The following PCCA variants were observed in gnomAD, a reference collection of about 807,000 sequenced individuals.
PCCA encodes the protein propionyl-CoA carboxylase alpha chain, mitochondrial.
PCCA carries 74 observed loss-of-function variants against 101.3 expected under a neutral mutation model. The ratio of observed to expected loss-of-function variants is 0.73; its 90% confidence interval spans 0.61 to 0.89. The LOEUF (loss-of-function observed/expected upper bound fraction) is 0.89, where lower values mean the gene tolerates loss of function less well. Among genes scored for constraint, PCCA ranks in the 40% least tolerant of loss-of-function variants. PCCA has a pLI of 0.00. For missense variants in PCCA, 891 were observed against 907.0 expected, an observed-to-expected ratio of 0.98 and a Z score of 0.23; for synonymous variants, 294 against 313.6, an observed-to-expected ratio of 0.94 and a Z score of 0.66.
intron 8 of PCCA, among the ~76,000 whole-genome samples, chr13:100,244,566 C>T (rs1285663987): frequency 6.6e-6 from 1 of 152,042 alleles, no homozygotes; most frequent in East Asian, 1.9e-4. Context: ...CTGTGCATAA[C>T]ATTCAGGCAG....
At chr13:100,370,688 T>G (rs2075521998) in intron 19 of PCCA, among the ~76,000 whole-genome samples, 2 of 152,182 alleles carry the variant, frequency 1.3e-5, no homozygotes, top group African/African-American at 4.8e-5. Context: ...ATATTTAAAT[T>G]TAGCTACTTT....
At position 100,302,857 on chromosome 13, in the gene PCCA, A is replaced by T; in HGVS notation, c.1210-67A>T. 3 of 892,424 alleles carry T rather than the reference A, an allele frequency of 3.4e-6. No homozygotes were observed. In the South Asian group the frequency reaches 3.9e-5, roughly 12 times the overall value. The allele number at this position is 892,424 out of a possible 1,614,324, so 55.3% of individuals were successfully genotyped here. ...CCTATAAATGGTTCTTCATTGTGTA[A>T]ATATTTAACCTTACTTGTGCTGATT... is the stretch of plus-strand genomic sequence containing the variant. On this transcript the variant is annotated intron_variant, in intron 13 of 23. Coordinates refer to ENST00000376285, the MANE Select transcript of PCCA (RefSeq NM_000282.4).
At chr13:100,403,675 C>T (rs948796779) in intron 19 of PCCA, among the ~76,000 whole-genome samples, 1 of 151,984 alleles carries the variant, frequency 6.6e-6, no homozygotes, top group African/African-American at 2.4e-5. Flanking sequence ...AATTCAGGCC[C>T]ACAGACAATT....
At chr13:100,232,348 A>ATG (rs1555387961) in intron 7 of PCCA, among the ~76,000 whole-genome samples, 2 of 60,382 alleles carry the variant, frequency 3.3e-5, no homozygotes, top group African/African-American at 1.1e-4. Context: ...GTGTGTGTGT[A>ATG]TGCGTGTGTG....
intron 6 of PCCA, among the ~76,000 whole-genome samples, chr13:100,176,359 T>G (rs9518016): frequency 6.6e-6 from 1 of 152,102 alleles, no homozygotes. Context: ...ATGGTGTAGC[T>G]TTAGAAAACT....
chr13:100,346,117 A>G (rs2072176613), intron 18 of PCCA, among the ~76,000 whole-genome samples: 1 of 152,214 alleles, frequency 6.6e-6, no homozygotes, highest in Non-Finnish European at 1.5e-5. Flanking sequence ...TCTGTAGCTC[A>G]TGGATCAGGG....
chr13:100,187,845 C>T (rs2057414548), intron 6 of PCCA, among the ~76,000 whole-genome samples: 1 of 152,008 alleles, frequency 6.6e-6, no homozygotes, highest in Admixed American at 6.6e-5. Flanking sequence ...TTTGGTGCAC[C>T]AGCCACCCAA....
chr13:100,211,618 C>G (rs1414318461), intron 7 of PCCA, among the ~76,000 whole-genome samples: 1 of 152,118 alleles, frequency 6.6e-6, no homozygotes, highest in Non-Finnish European at 1.5e-5. Flanking sequence ...ATCTTTGTTC[C>G]TTAAATGGGG....
At chr13:100,456,066 A>G (rs1363207814) in intron 21 of PCCA, among the ~76,000 whole-genome samples, 1 of 152,216 alleles carries the variant, frequency 6.6e-6, no homozygotes, top group Non-Finnish European at 1.5e-5. Context: ...TTTGTTCCAC[A>G]TCTTCACTTG....
intron 18 of PCCA, among the ~76,000 whole-genome samples, chr13:100,347,035 C>A (rs1376694048): frequency 1.3e-5 from 2 of 152,040 alleles, no homozygotes; most frequent in Non-Finnish European, 2.9e-5. Flanking sequence ...CACCACACCC[C>A]ACTAATTTTT....
At chr13:100,278,116 A>T (rs192781152) in intron 12 of PCCA, among the ~76,000 whole-genome samples, 14 of 152,284 alleles carry the variant, frequency 9.2e-5, no homozygotes, top group African/African-American at 2.9e-4. Context: ...TGCCTTTTGA[A>T]GGTTAATTTG....
chr13:100,222,607 C>T (rs982856649), intron 7 of PCCA, among the ~76,000 whole-genome samples: 8 of 152,078 alleles, frequency 5.3e-5, no homozygotes, highest in African/African-American at 1.7e-4. Flanking sequence ...ATAAATAGTA[C>T]CGAATTTTGG....
At chr13:100,167,098 A>G (rs1177820999) in intron 6 of PCCA, among the ~76,000 whole-genome samples, 1 of 152,046 alleles carries the variant, frequency 6.6e-6, no homozygotes, top group Non-Finnish European at 1.5e-5. Context: ...TCTAGGAAAA[A>G]TCTTTTGTCT....
chr13:100,183,788 G>A (rs1236443275), intron 6 of PCCA, among the ~76,000 whole-genome samples: 1 of 152,116 alleles, frequency 6.6e-6, no homozygotes, highest in African/African-American at 2.4e-5. Context: ...GGGGCCCTGG[G>A]TACTGGGCTT....
intron 1 of PCCA, among the ~76,000 whole-genome samples, chr13:100,094,680 G>A (rs2046607536): frequency 6.6e-6 from 1 of 152,188 alleles, no homozygotes; most frequent in East Asian, 1.9e-4. Flanking sequence ...CTCCGCCTCC[G>A]GGGTTCAAGT....
intron 19 of PCCA, among the ~76,000 whole-genome samples, chr13:100,422,065 T>TTTTG (rs2078809324): frequency 1.7e-5 from 1 of 59,346 alleles, no homozygotes; most frequent in Non-Finnish European, 3.6e-5. Context: ...TTCTCTTCTC[T>TTTTG]TTTCTTTTCT....
chr13:100,338,134 C>T (rs549951589), intron 17 of PCCA, among the ~76,000 whole-genome samples: 4 of 152,290 alleles, frequency 2.6e-5, no homozygotes, highest in African/African-American at 7.2e-5. Flanking sequence ...ATACCTTCTA[C>T]CAGTCAGTCT....
At position 100,285,490 on chromosome 13, in the gene PCCA, T is replaced by G. The variant is rs147661614; in HGVS notation, c.1065+12144T>G. 9.1e-4 allele frequency among the ~76,000 whole-genome samples: 138 copies of G among 152,290 alleles called. 1 individual carries two copies. Among genetic ancestry groups the G allele is most frequent in the African/African-American group, 2.8e-3 (115 of 41,554 alleles). Reference sequence around the variant, plus strand: ...CAAAAGGCTGGCCTCACTGTTTAAGTGTAGTTGCAGCAGTGGCCGTCTTAG... The same window carrying G: ...CAAAAGGCTGGCCTCACTGTTTAAGGGTAGTTGCAGCAGTGGCCGTCTTAG... On this transcript the variant is annotated intron_variant, in intron 12 of 23. Coordinates refer to ENST00000376285, the MANE Select transcript of PCCA (RefSeq NM_000282.4).
chr13:100,123,190 GGAT>G (rs1259234754), intron 4 of PCCA, among the ~76,000 whole-genome samples: 2 of 152,156 alleles, frequency 1.3e-5, no homozygotes, highest in Admixed American at 1.3e-4. Context: ...CGAGTAGCTA[GGAT>G]TACAGGTGCC....
Sources: gnomAD v4.1 joint callset for allele counts (sites outside exome capture counted in the v4.1 genomes callset) on GRCh38, gnomAD v4.1.1 for gene constraint, MANE v1.5 for transcripts, NCBI Gene and HGNC (gene_info 2026-07-23, HGNC 2026-07-21) for gene names.